DCAF5: variants seen among roughly 807,000 people sequenced by gnomAD.
DCAF5 encodes DDB1- and CUL4-associated factor 5.
Under a neutral mutation model 80.7 loss-of-function variants are expected in DCAF5, and 9 were observed. The observed-to-expected ratio is 0.11, with a 90% CI of 0.07 to 0.19. The LOEUF (loss-of-function observed/expected upper bound fraction) is 0.19. Ranked by LOEUF, DCAF5 falls within the 10% of genes least tolerant of loss-of-function variation. The pLI is 1.00. For synonymous variants in DCAF5, 433 were observed against 461.9 expected (o/e 0.94, Z 0.80); for missense variants, 842 against 1,205.7 (o/e 0.70, Z 4.47).
chr14:69,134,014 C>T (rs942367207), intron 1 of DCAF5, among the ~76,000 whole-genome samples: 1 of 152,118 alleles, frequency 6.6e-6, no homozygotes, highest in African/African-American at 2.4e-5. Context: ...GAAAGAAATC[C>T]ACAAACATTC....
chr14:69,139,546 C>T (rs183470662), intron 1 of DCAF5, among the ~76,000 whole-genome samples: 1 of 150,420 alleles, frequency 6.6e-6, no homozygotes. Flanking sequence ...GGGCATGGTG[C>T]CTCATATCTG....
chr14:69,112,800 A>C (rs2040417773), intron 5 of DCAF5, among the ~76,000 whole-genome samples: 1 of 152,176 alleles, frequency 6.6e-6, no homozygotes, highest in Non-Finnish European at 1.5e-5. Context: ...ATTTATTATT[A>C]TGAGACACTG....
At chr14:69,133,629 A>G (rs527259070) in intron 1 of DCAF5, among the ~76,000 whole-genome samples, 1 of 152,196 alleles carries the variant, frequency 6.6e-6, no homozygotes, top group South Asian at 2.1e-4. Flanking sequence ...AGAAGTAGCT[A>G]TAGGGATAAC....
Position 69,053,635 on chromosome 14 carries a change from T to C in DCAF5, c.*222A>G. 2.2e-6 allele frequency: 1 copy of C among 451,102 alleles called. No individual in the cohort carries two copies. The highest frequency in any genetic ancestry group is 3.0e-5 in the South Asian group (1 of 33,624). 27.9% of individuals were successfully genotyped at this position (451,102 alleles called of 1,614,324 possible). ...CACTAGAAAGGAGTCACTTGGGTTA[T>C]TTTTTTTTCCCCTTTCTTAACACAG... is the stretch of plus-strand genomic sequence containing the variant. On this transcript the variant is annotated 3_prime_UTR_variant, in exon 9 of 9. Transcript: ENST00000341516.
intron 5 of DCAF5, among the ~76,000 whole-genome samples, chr14:69,104,200 A>C (rs1423841645): frequency 6.6e-6 from 1 of 152,206 alleles, no homozygotes; most frequent in East Asian, 1.9e-4. Context: ...ATACCATTAC[A>C]TATTCCCACC....
chr14:69,095,694 T>G (rs529327299), intron 5 of DCAF5, among the ~76,000 whole-genome samples: 4 of 152,330 alleles, frequency 2.6e-5, no homozygotes, highest in Admixed American at 2.0e-4. Flanking sequence ...GGAAAGTGAT[T>G]GAGCGTATCA....
intron 6 of DCAF5, chr14:69,084,016 C>T: frequency 2.6e-6 from 2 of 781,242 alleles, no homozygotes; most frequent in Non-Finnish European, 4.8e-6. Flanking sequence ...ATCAGACCAC[C>T]TCTGGAAGGC....
Position 69,075,383 on chromosome 14 carries a change from T to C in DCAF5, c.908A>G (p.Asn303Ser), listed in dbSNP as rs1349043342. ...TGCAGGAATTCTCCACATGTACAGG[T>C]TGAAGTCATCAGAGCCCGAAAGGAT... ...QYILSGSDDF[N>S]LYMWRIPADP... The change falls in exon 7 of 9, where the codon AAC (asparagine) becomes AGC (serine). Residue 303 changes from asparagine (N) to serine (S), a missense_variant. Coordinates refer to ENST00000341516, the MANE Select transcript of DCAF5 (RefSeq NM_003861.3). 4 of 1,604,056 alleles carry C rather than the reference T, an allele frequency of 2.5e-6. No individual in the cohort carries two copies. The highest frequency in any genetic ancestry group is 2.6e-6 in the Non-Finnish European group (3 of 1,173,332).
chr14:69,099,825 T>C lies in DCAF5; in HGVS notation c.666-7938A>G, dbSNP rs143848228. On this transcript the variant is annotated intron_variant, in intron 5 of 8. Coordinates refer to ENST00000341516, the MANE Select transcript of DCAF5 (RefSeq NM_003861.3). ...AGCCGAGCATAGTGGCACATGCCTG[T>C]AGTCCCAGCTACTCAGAAGGCTGAG... 1.2e-3 allele frequency among the ~76,000 whole-genome samples: 188 copies of C among 152,140 alleles called. 1 individual carries two copies. The highest frequency in any genetic ancestry group is 2.0e-3 in the Non-Finnish European group (136 of 67,982).
intron 1 of DCAF5, among the ~76,000 whole-genome samples, chr14:69,149,690 A>G (rs771792805): frequency 2.0e-5 from 3 of 152,220 alleles, no homozygotes; most frequent in East Asian, 1.9e-4. Flanking sequence ...TGAACAATCT[A>G]TCATTTTAAT....
chr14:69,055,624 T>G lies in DCAF5; in HGVS notation c.1075-13A>C. 6.3e-7 allele frequency: 1 copy of G among 1,578,388 alleles called. No individual in the cohort carries two copies. Among genetic ancestry groups the G allele is most frequent in the Admixed American group, 1.8e-5 (1 of 56,356 alleles). On this transcript the variant is annotated splice_polypyrimidine_tract_variant and intron_variant, in intron 8 of 8. Coordinates refer to ENST00000341516, the MANE Select transcript of DCAF5 (RefSeq NM_003861.3). This position sits in a 1 kb window ranked among gnomAD's most constrained non-coding sequence, Gnocchi z 5.6. ...ATGGGCTCCAGATCTGAACAGAAAA[T>G]GAAAAACAAAAGCAACAAGGAGTAA...
In DCAF5 at chr14:69,051,666, G is replaced by GT. The variant is rs1279148501; in HGVS notation, c.*2190dup. ...AGACCAAGTTCTGCATTTGGGAATT[G>GT]TAACTACCAAGTAGCTAGTTCCCAA... On this transcript the variant is annotated 3_prime_UTR_variant, in exon 9 of 9. Coordinates refer to ENST00000341516, the MANE Select transcript of DCAF5 (RefSeq NM_003861.3). 1 of 152,322 alleles carries GT rather than the reference G, an allele frequency of 6.6e-6. No homozygotes were observed. Among genetic ancestry groups the GT allele is most frequent in the Non-Finnish European group, 1.5e-5 (1 of 68,042 alleles). 9.4% of individuals were successfully genotyped at this position (152,322 alleles called of 1,614,324 possible). A position where few individuals can be genotyped will look rare whatever the true frequency, so the allele number is the denominator to read the frequency against.
At chr14:69,089,660 C>G (rs8015433) in intron 6 of DCAF5, 1 of 152,270 alleles carries the variant, frequency 6.6e-6, no homozygotes, top group Non-Finnish European at 1.5e-5. Context: ...CCTTCTGTGG[C>G]TCTGCCTATG....
chr14:69,081,768 ATG>A (rs1051296537), intron 6 of DCAF5, among the ~76,000 whole-genome samples: 9 of 149,902 alleles, frequency 6.0e-5, no homozygotes, highest in African/African-American at 1.7e-4. Flanking sequence ...GTGTGTGTGT[ATG>A]TGTGTGTTTG....
At chr14:69,097,404 T>C (rs944106789) in intron 5 of DCAF5, among the ~76,000 whole-genome samples, 2 of 152,070 alleles carry the variant, frequency 1.3e-5, no homozygotes, top group Non-Finnish European at 2.9e-5. Flanking sequence ...TTTTTTATAG[T>C]AACCCTTCAT....
chr14:69,055,289 G>A lies in DCAF5; in HGVS notation c.1397C>T (p.Pro466Leu). 6.2e-7 allele frequency: 1 copy of A among 1,614,190 alleles called. No homozygotes were observed. Among genetic ancestry groups the A allele is most frequent in the Non-Finnish European group, 8.5e-7 (1 of 1,180,030 alleles). The change falls in exon 9 of 9, where the codon CCT becomes CTT. Residue 466 changes from proline (P) to leucine (L), a missense_variant. Physicochemically the swap from Pro to Leu is moderately conservative, Grantham distance 98. Coordinates refer to ENST00000341516, the MANE Select transcript of DCAF5 (RefSeq NM_003861.3). This position sits in a 1 kb window ranked among gnomAD's most constrained non-coding sequence, Gnocchi z 5.6. ...ATCTACTGTGGGAGGCGGGGAGCGAGGCAATGAGGCCGAAGACTCTGAGTC... is the reference window on the plus strand; with the variant it reads ...ATCTACTGTGGGAGGCGGGGAGCGAAGCAATGAGGCCGAAGACTCTGAGTC... ...YTDSESSASL[P>L]RSPPPTVDES...
intron 6 of DCAF5, among the ~76,000 whole-genome samples, chr14:69,083,163 C>G (rs2039180483): frequency 6.6e-6 from 1 of 152,134 alleles, no homozygotes; most frequent in South Asian, 2.1e-4. Flanking sequence ...AAATCTTAAT[C>G]CAGGATTGAT....
At chr14:69,137,635 A>G (rs994128169) in intron 1 of DCAF5, among the ~76,000 whole-genome samples, 1 of 152,190 alleles carries the variant, frequency 6.6e-6, no homozygotes, top group Admixed American at 6.5e-5. Flanking sequence ...AGATGTAAAC[A>G]GAGATGTCAA....
At chr14:69,107,485 G>C (rs1017354369) in intron 5 of DCAF5, among the ~76,000 whole-genome samples, 4 of 152,164 alleles carry the variant, frequency 2.6e-5, no homozygotes, top group Admixed American at 6.5e-5. Flanking sequence ...GGAGTGCTTC[G>C]ACAAGCTCCT....
Sources: gnomAD v4.1 joint callset for allele counts (sites outside exome capture counted in the v4.1 genomes callset) on GRCh38, gnomAD v4.1.1 for gene constraint, Gnocchi (gnomAD v3.1) non-coding constraint, MANE v1.5 for transcripts, NCBI Gene and HGNC (gene_info 2026-07-23, HGNC 2026-07-21) for gene names.